CXCR5: variants seen among roughly 807,000 people sequenced by gnomAD.
CXCR5 encodes C-X-C motif chemokine receptor 5.
A neutral mutation model predicts 5.6 loss-of-function variants in CXCR5; 3 were observed. That is an observed-to-expected ratio of 0.54 (90% CI 0.24 to 1.39). The LOEUF is 1.39. CXCR5 is among the 40% of genes most tolerant of loss of function. The pLI, the probability that CXCR5 is intolerant of heterozygous loss-of-function variation, is 0.16. For missense variants in CXCR5, 333 were observed against 494.6 expected (o/e 0.67, Z 3.10); for synonymous variants, 218 against 219.9 (o/e 0.99, Z 0.08).
intron 1 of CXCR5, among the ~76,000 whole-genome samples, chr11:118,888,766 A>T (rs1252432028): frequency 6.6e-6 from 1 of 152,166 alleles, no homozygotes; most frequent in Non-Finnish European, 1.5e-5. Context: ...GGTTGGACCC[A>T]TGGTTCCAGC....
intron 1 of CXCR5, chr11:118,887,521 T>A (rs1939733202): frequency 1.3e-6 from 1 of 784,330 alleles, no homozygotes; most frequent in South Asian, 5.7e-5. Context: ...CTGCTTCTGA[T>A]GGCCAAAACC....
intron 1 of CXCR5, chr11:118,887,171 A>C (rs889874812): frequency 2.2e-6 from 2 of 897,308 alleles, no homozygotes; most frequent in African/African-American, 3.6e-5. Flanking sequence ...TCCGTCAGGA[A>C]CTCTTGCTTT....
At position 118,894,412 on chromosome 11, in the gene CXCR5, G is replaced by A. The variant is rs769274153; in HGVS notation, c.868G>A (p.Val290Met). 30 of 1,614,098 alleles carry A rather than the reference G, an allele frequency of 1.9e-5. No homozygotes were observed. In the Middle Eastern group the frequency reaches 6.6e-4, roughly 35 times the overall value. Residue 290 changes from valine to methionine, a missense_variant, in exon 2 of 2, where the codon GTG becomes ATG. Coordinates refer to ENST00000292174, the MANE Select transcript of CXCR5 (RefSeq NM_001716.5). The surrounding 1 kb of genome is among the most constrained non-coding windows in gnomAD (Gnocchi z 6.1). ...GGACACCCTGGCGAGGCTGAAGGCC[G>A]TGGACAATACCTGCAAGCTGAATGG... ...FLDTLARLKA[V>M]DNTCKLNGSL...
At chr11:118,888,059 G>A (rs574606614) in intron 1 of CXCR5, among the ~76,000 whole-genome samples, 21 of 152,290 alleles carry the variant, frequency 1.4e-4, no homozygotes, top group African/African-American at 4.3e-4. Flanking sequence ...TGAGCTAGAC[G>A]GAGATCATGC....
At chr11:118,885,308 A>C (rs1939694363) in intron 1 of CXCR5, among the ~76,000 whole-genome samples, 1 of 152,208 alleles carries the variant, frequency 6.6e-6, no homozygotes. Context: ...ACCCAATGCA[A>C]AATGAAAACA....
chr11:118,887,695 C>T (rs1460349915), intron 1 of CXCR5: 1 of 152,598 alleles, frequency 6.6e-6, no homozygotes, highest in African/African-American at 2.4e-5. Context: ...CACCCTCACC[C>T]ACAGCCCAGT....
At chr11:118,886,423 T>C (rs1159986335) in intron 1 of CXCR5, 2 of 430,188 alleles carry the variant, frequency 4.6e-6, no homozygotes, top group East Asian at 1.4e-4. Context: ...TTTGTCCTCT[T>C]GAACTCGAAG....
chr11:118,890,310 C>A (rs944503256), intron 1 of CXCR5, among the ~76,000 whole-genome samples: 1 of 152,138 alleles, frequency 6.6e-6, no homozygotes, highest in Non-Finnish European at 1.5e-5. Flanking sequence ...GTCTGTCCTA[C>A]GTAAAACACG....
In CXCR5 at chr11:118,897,369, A is replaced by T. The variant is rs780519611; in HGVS notation, c.*2706A>T. The T allele has an allele frequency of 5.4e-5, 10 of 184,036 alleles. No individual in the cohort carries two copies. Among genetic ancestry groups the T allele is most frequent in the Non-Finnish European group, 8.1e-5 (7 of 85,930 alleles). 11.4% of individuals were successfully genotyped at this position (184,036 alleles called of 1,614,324 possible). ...CCTTTCCTTCATCCCAAACTGGGAC[A>T]AAAGACTTCAAGTTCTGGCTAAGAT... On this transcript the variant is annotated 3_prime_UTR_variant, in exon 2 of 2. Transcript: ENST00000292174.
rs1485768978 is a variant in CXCR5 at position 118,897,774 on chromosome 11, C to A, written c.*3111C>A. ...CTTTTATCCTTTTTTTTTTGTGTGA[C>A]TTCTATCAAAACACAGAAATACAGC... On this transcript the variant is annotated 3_prime_UTR_variant, in exon 2 of 2. Coordinates refer to ENST00000292174, the MANE Select transcript of CXCR5 (RefSeq NM_001716.5). The A allele has an allele frequency of 2.2e-6, 1 of 453,574 alleles. No individual in the cohort carries two copies. Among genetic ancestry groups the A allele is most frequent in the Admixed American group, 2.4e-5 (1 of 41,700 alleles). The allele number at this position is 453,574 out of a possible 1,614,324, so 28.1% of individuals were successfully genotyped here. A position where few individuals can be genotyped will look rare whatever the true frequency, so the allele number is the denominator to read the frequency against.
chr11:118,888,973 T>C lies in CXCR5; in HGVS notation c.52-4623T>C, dbSNP rs540744611. 2.1e-4 allele frequency among the ~76,000 whole-genome samples: 32 copies of C among 152,268 alleles called. No individual in the cohort carries two copies. The South Asian group carries it at 6.6e-3, about 32-fold the overall frequency. Reference sequence around the variant, plus strand: ...CTGGGCAGTGGGGCAGCCTCATTATTTGGAGAAGTCAGGTGGGGCTTGGAG... The same window carrying C: ...CTGGGCAGTGGGGCAGCCTCATTATCTGGAGAAGTCAGGTGGGGCTTGGAG... On this transcript the variant is annotated intron_variant, in intron 1 of 1. Coordinates refer to ENST00000292174, the MANE Select transcript of CXCR5 (RefSeq NM_001716.5).
At chr11:118,887,552 G>A (rs1462768879) in intron 1 of CXCR5, 1 of 491,096 alleles carries the variant, frequency 2.0e-6, no homozygotes, top group Non-Finnish European at 2.6e-6. Context: ...GATGAAAGAG[G>A]AGTCTCACAG....
chr11:118,887,407 A>G (rs933915333), intron 1 of CXCR5: 1 of 985,474 alleles, frequency 1.0e-6, no homozygotes, highest in Non-Finnish European at 1.2e-6. Context: ...CAAAGGGCAA[A>G]GAGACGCTGG....
At chr11:118,884,892 G>GTC (rs1939686974) in intron 1 of CXCR5, among the ~76,000 whole-genome samples, 1 of 152,140 alleles carries the variant, frequency 6.6e-6, no homozygotes, top group African/African-American at 2.4e-5. Context: ...GAGGCTGGTT[G>GTC]TAAGGGTTTC....
At chr11:118,890,558 G>A (rs189040502) in intron 1 of CXCR5, among the ~76,000 whole-genome samples, 275 of 152,192 alleles carry the variant, frequency 1.8e-3, no homozygotes, top group African/African-American at 6.3e-3. Flanking sequence ...AAAAGGCCAA[G>A]CAGAGGTTTG....
chr11:118,892,701 T>G (rs1939832258), intron 1 of CXCR5, among the ~76,000 whole-genome samples: 6 of 146,126 alleles, frequency 4.1e-5, no homozygotes, highest in African/African-American at 1.3e-4. Flanking sequence ...AAGAGGAGGA[T>G]GGGGAGGAGG....
chr11:118,897,761 T>C lies in CXCR5; in HGVS notation c.*3098T>C. ...GGGGGAAGGGTTTCTTTTATCCTTT[T>C]TTTTTTGTGTGACTTCTATCAAAAC... On this transcript the variant is annotated 3_prime_UTR_variant, in exon 2 of 2. Transcript: ENST00000292174. The C allele has an allele frequency of 2.2e-6, 1 of 453,414 alleles. No individual in the cohort carries two copies. Among genetic ancestry groups the C allele is most frequent in the Non-Finnish European group, 4.4e-6 (1 of 226,198 alleles). The allele number at this position is 453,414 out of a possible 1,614,324, so 28.1% of individuals were successfully genotyped here.
chr11:118,890,666 T>G lies in CXCR5; in HGVS notation c.52-2930T>G, dbSNP rs1335642707. Among the ~76,000 whole-genome samples, 717 of 152,290 alleles carry G rather than the reference T, an allele frequency of 4.7e-3. 4 individuals are homozygous for G. The highest frequency in any genetic ancestry group is 0.016 in the African/African-American group (664 of 41,562). On this transcript the variant is annotated intron_variant, in intron 1 of 1. Coordinates refer to ENST00000292174, the MANE Select transcript of CXCR5 (RefSeq NM_001716.5). ...CAAAGTTTGAAAGGTCAGAGGAATA[T>G]ACATTTGGGAAGAACATAAAGGCTG...
intron 1 of CXCR5, chr11:118,887,412 CGCTGGGGT>C: frequency 1.0e-6 from 1 of 985,458 alleles, no homozygotes; most frequent in African/African-American, 1.7e-5. Flanking sequence ...GGCAAAGAGA[CGCTGGGGT>C]GCCAGGTGGG....
Sources: gnomAD v4.1 joint callset for allele counts (sites outside exome capture counted in the v4.1 genomes callset) on GRCh38, gnomAD v4.1.1 for gene constraint, Gnocchi (gnomAD v3.1) non-coding constraint, MANE v1.5 for transcripts, NCBI Gene and HGNC (gene_info 2026-07-23, HGNC 2026-07-21) for gene names.